PSMF1: variants seen among roughly 807,000 people sequenced by gnomAD.
PSMF1 encodes the protein proteasome inhibitor PI31 subunit.
In PSMF1, 30 loss-of-function variants were observed where a neutral mutation model predicts 29.3. The ratio of observed to expected loss-of-function variants is 1.02; its 90% confidence interval spans 0.77 to 1.39. The LOEUF is 1.39. PSMF1 is among the 40% of genes most tolerant of loss of function. The probability of loss-of-function intolerance (pLI) is 0.00; values close to 1 mark genes in which losing one functional copy is unlikely to be tolerated. For synonymous variants in PSMF1, 134 were observed against 139.7 expected, an observed-to-expected ratio of 0.96 and a Z score of 0.29; for missense variants, 344 against 357.5, an observed-to-expected ratio of 0.96 and a Z score of 0.31.
chr20:1,158,561 C>T (rs1054785121), intron 4 of PSMF1, among the ~76,000 whole-genome samples: 2 of 152,182 alleles, frequency 1.3e-5, no homozygotes, highest in Non-Finnish European at 2.9e-5. Context: ...GTGTGCCCAA[C>T]GAGGTGTGTT....
intron 4 of PSMF1, among the ~76,000 whole-genome samples, chr20:1,155,558 C>T (rs370365133): frequency 9.8e-5 from 15 of 152,322 alleles, no homozygotes; most frequent in East Asian, 7.7e-4. Context: ...GAAAGTACTG[C>T]GTGGACCACA....
chr20:1,126,178 A>C (rs1473794698), intron 2 of PSMF1, among the ~76,000 whole-genome samples: 2 of 152,068 alleles, frequency 1.3e-5, no homozygotes, highest in South Asian at 4.2e-4. Context: ...TTACGCCATC[A>C]TTTTATTTTC....
At chr20:1,134,763 C>T in intron 3 of PSMF1, 1 of 352,986 alleles carries the variant, frequency 2.8e-6, no homozygotes, top group South Asian at 2.3e-5. Context: ...CATGACCCTT[C>T]CCATGACACG....
At chr20:1,148,359 T>G (rs886424241) in intron 4 of PSMF1, among the ~76,000 whole-genome samples, 2 of 152,228 alleles carry the variant, frequency 1.3e-5, no homozygotes, top group Non-Finnish European at 2.9e-5. Flanking sequence ...TCATTATAAG[T>G]CTAACCTATT....
Position 1,166,092 on chromosome 20 carries a change from AC to A in PSMF1, c.*1016del. 6.6e-7 allele frequency: 1 copy of A among 1,525,742 alleles called. No homozygotes were observed. Among genetic ancestry groups the A allele is most frequent in the South Asian group, 1.2e-5 (1 of 81,800 alleles). The allele number at this position is 1,525,742 out of a possible 1,614,324, so 94.5% of individuals were successfully genotyped here. A position where few individuals can be genotyped will look rare whatever the true frequency, so the allele number is the denominator to read the frequency against. ...TCTTGCCTAACTCTGTGGTTTTTGG[AC>A]CCCATGGGGCCCAGACAGAGCACAG... On this transcript the variant is annotated 3_prime_UTR_variant, in exon 7 of 7. Coordinates refer to ENST00000335877, the MANE Select transcript of PSMF1 (RefSeq NM_006814.5).
chr20:1,158,378 C>A lies in PSMF1; in HGVS notation c.552-4752C>A, dbSNP rs1275307701. 2.6e-5 allele frequency among the ~76,000 whole-genome samples: 4 copies of A among 152,150 alleles called. No individual in the cohort carries two copies. In the South Asian group the frequency reaches 6.2e-4, roughly 24 times the overall value. ...ATTATGGCAGGCCCTGTGGGTGTTA[C>A]TACTTAGATTTTACATCTTAAAGAC... On this transcript the variant is annotated intron_variant, in intron 4 of 6. Coordinates refer to ENST00000335877, the MANE Select transcript of PSMF1 (RefSeq NM_006814.5).
chr20:1,118,698 A>G lies in PSMF1; in HGVS notation c.-76A>G, dbSNP rs1332628489. ...GCAAGAGGGAAGCAGAGTTATAGCT[A>G]CCCCGGCCGCGGAGCCGGCTCACTG... On this transcript the variant is annotated 5_prime_UTR_variant, in exon 1 of 7. Coordinates refer to ENST00000335877, the MANE Select transcript of PSMF1 (RefSeq NM_006814.5). 27 of 1,492,862 alleles carry G rather than the reference A, an allele frequency of 1.8e-5. No homozygotes were observed. Among genetic ancestry groups the G allele is most frequent in the Non-Finnish European group, 2.4e-5 (26 of 1,100,076 alleles). The allele number at this position is 1,492,862 out of a possible 1,614,324, so 92.5% of individuals were successfully genotyped here.
At chr20:1,153,678 T>C (rs1209890200) in intron 4 of PSMF1, among the ~76,000 whole-genome samples, 2 of 152,332 alleles carry the variant, frequency 1.3e-5, no homozygotes, top group African/African-American at 4.8e-5. Flanking sequence ...ACCTCTCAAA[T>C]GTGAAATATA....
chr20:1,121,009 T>C (rs781036195), intron 1 of PSMF1, among the ~76,000 whole-genome samples: 5 of 152,356 alleles, frequency 3.3e-5, no homozygotes, highest in Middle Eastern at 3.4e-3. Context: ...TTTGACAGTT[T>C]AGGGACATGA....
chr20:1,156,266 T>C (rs1023627079), intron 4 of PSMF1, among the ~76,000 whole-genome samples: 10 of 152,096 alleles, frequency 6.6e-5, no homozygotes, highest in Non-Finnish European at 1.3e-4. Flanking sequence ...GAGGGACCTG[T>C]GGGGCAATTA....
rs573771004 is a variant in PSMF1 at position 1,170,969 on chromosome 20, G to A, written c.*5889G>A. On this transcript the variant is annotated 3_prime_UTR_variant, in exon 7 of 7. Coordinates refer to ENST00000335877, the MANE Select transcript of PSMF1 (RefSeq NM_006814.5). ...TGAGATGCTGCACCTACCCCCTGGG[G>A]TGGCAGAACCGTGATTGGAACCCAG... is the stretch of plus-strand genomic sequence containing the variant. 6.6e-6 allele frequency among the ~76,000 whole-genome samples: 1 copy of A among 152,218 alleles called. No homozygotes were observed. The highest frequency in any genetic ancestry group is 2.4e-5 in the African/African-American group (1 of 41,520).
chr20:1,130,429 C>T (rs2122488631), intron 3 of PSMF1, among the ~76,000 whole-genome samples: 1 of 152,302 alleles, frequency 6.6e-6, no homozygotes, highest in East Asian at 1.9e-4. Context: ...TTCAATCTCA[C>T]CTTGTACTGC....
At chr20:1,117,436 C>T (rs897763207), upstream of PSMF1, among the ~76,000 whole-genome samples, 1 of 152,034 alleles carries the variant, frequency 6.6e-6, no homozygotes, top group Non-Finnish European at 1.5e-5. Context: ...CTCCACCTCC[C>T]GGGTTCGATT....
At chr20:1,129,180 A>G (rs1293098912) in intron 3 of PSMF1, among the ~76,000 whole-genome samples, 5 of 151,846 alleles carry the variant, frequency 3.3e-5, no homozygotes, top group Non-Finnish European at 5.9e-5. Context: ...CACCCAGCCA[A>G]TTTTTGCGTT....
At chr20:1,121,642 A>G (rs1204477453) in intron 1 of PSMF1, among the ~76,000 whole-genome samples, 1 of 152,136 alleles carries the variant, frequency 6.6e-6, no homozygotes, top group Non-Finnish European at 1.5e-5. Context: ...TGGGGGTGAT[A>G]AGAAGGAGAG....
intron 4 of PSMF1, among the ~76,000 whole-genome samples, chr20:1,154,974 G>A (rs926093494): frequency 1.3e-5 from 2 of 152,168 alleles, no homozygotes; most frequent in Non-Finnish European, 2.9e-5. Flanking sequence ...TCTAGAGTAA[G>A]CACATGCCAT....
rs755395940 is a variant in PSMF1 at position 1,172,210 on chromosome 20, G to A, written c.*7130G>A. Reference sequence around the variant, plus strand: ...TGCCCACAAATGTGCTCTGACTGGCGTGCATGTTATTAAATTTGATAAGAT... The same window carrying A: ...TGCCCACAAATGTGCTCTGACTGGCATGCATGTTATTAAATTTGATAAGAT... On this transcript the variant is annotated 3_prime_UTR_variant, in exon 7 of 7. Transcript: ENST00000335877. Among the ~76,000 whole-genome samples, 6 of 152,208 alleles carry A rather than the reference G, an allele frequency of 3.9e-5. No individual in the cohort carries two copies. The highest frequency in any genetic ancestry group is 6.5e-5 in the Admixed American group (1 of 15,290).
chr20:1,128,510 C>T (rs1485510101), intron 3 of PSMF1, among the ~76,000 whole-genome samples: 2 of 152,170 alleles, frequency 1.3e-5, no homozygotes, highest in Non-Finnish European at 2.9e-5. Flanking sequence ...AAGTAAAGTT[C>T]CAAATGACTT....
At position 1,164,465 on chromosome 20, in the gene PSMF1, C is replaced by T. The variant is rs765664644; in HGVS notation, c.753C>T (p.Thr251=). The T allele has an allele frequency of 8.1e-6, 13 of 1,614,040 alleles. No homozygotes were observed. Among genetic ancestry groups the T allele is most frequent in the Non-Finnish European group, 9.3e-6 (11 of 1,180,030 alleles). Residue 251 remains threonine, a synonymous_variant, in exon 6 of 7, where the codon ACC becomes ACT. Coordinates refer to ENST00000335877, the MANE Select transcript of PSMF1 (RefSeq NM_006814.5). The surrounding 1 kb of genome is among the most constrained non-coding windows in gnomAD (Gnocchi z 4.1). Reference sequence around the variant, plus strand: ...TTGACCCCTTTGGACCCATTGGGACCAGCCCACCCGGGTACGTAGTCACTC... The same window carrying T: ...TTGACCCCTTTGGACCCATTGGGACTAGCCCACCCGGGTACGTAGTCACTC... ...ARFDPFGPIG[T]SPPGPNPDHL... is the part of the protein sequence containing the mutation.
Sources: allele counts gnomAD v4.1 joint callset (sites outside exome capture counted in the v4.1 genomes callset), GRCh38; gene constraint gnomAD v4.1.1; non-coding constraint Gnocchi (gnomAD v3.1); transcripts MANE v1.5; gene names NCBI Gene and HGNC (gene_info 2026-07-23, HGNC 2026-07-21).